The following CPLX1 variants were observed in gnomAD, a reference collection of about 807,000 sequenced individuals.
CPLX1 encodes complexin-1.
In CPLX1, 6 loss-of-function variants were observed where a neutral mutation model predicts 15.6. The observed-to-expected ratio is 0.39, with a 90% CI of 0.21 to 0.76. CPLX1 has a LOEUF of 0.76. Among genes scored for constraint, CPLX1 ranks in the 30% least tolerant of loss-of-function variants. CPLX1 has a pLI of 0.43. For missense variants in CPLX1, 242 were observed against 188.6 expected, an observed-to-expected ratio of 1.28 and a Z score of -1.66; for synonymous variants, 91 against 75.2, an observed-to-expected ratio of 1.21 and a Z score of -1.08.
intron 2 of CPLX1, among the ~76,000 whole-genome samples, chr4:812,616 AG>A (rs1251123599): frequency 6.6e-6 from 1 of 152,178 alleles, no homozygotes; most frequent in African/African-American, 2.4e-5. Flanking sequence ...AAAATAAGAG[AG>A]GAAAGGACCA....
At chr4:792,382 C>T in intron 3 of CPLX1, 51 bp downstream of exon 3, 1 of 1,460,992 alleles carries the variant, frequency 6.8e-7, no homozygotes. Flanking sequence ...ATCTGGGTCC[C>T]CGCTGGACTC....
rs377210149 is a variant in CPLX1 at position 786,501 on chromosome 4, C to T, written c.405G>A (p.Ter135=). 54 of 1,573,926 alleles carry T rather than the reference C, an allele frequency of 3.4e-5. No individual in the cohort carries two copies. Among genetic ancestry groups the T allele is most frequent in the Non-Finnish European group, 4.7e-5 (54 of 1,158,460 alleles). The change falls in exon 4 of 4, where the codon TAG becomes TAA. Residue 135 remains the stop codon, a stop_retained_variant. Coordinates refer to ENST00000304062, the MANE Select transcript of CPLX1 (RefSeq NM_006651.4). ...CGCGGGGCCGCTGTCCCGCGCGCGG[C>T]TACTTCTTGAGCATGTCCTGCAGCG... ...PGPLQDMLKK[*] is the part of the protein sequence containing the mutation.
intron 2 of CPLX1, among the ~76,000 whole-genome samples, chr4:799,139 C>G (rs1746403146): frequency 6.6e-6 from 1 of 152,220 alleles, no homozygotes; most frequent in Non-Finnish European, 1.5e-5. Context: ...GGGCAGGACT[C>G]AAATCTTCCC....
In CPLX1 at chr4:810,501, G is replaced by A. The variant is rs761453203; in HGVS notation, c.31+13991C>T. Among the ~76,000 whole-genome samples the A allele has an allele frequency of 9.8e-4, 149 of 152,178 alleles. 3 individuals are homozygous for A. Among genetic ancestry groups the A allele is most frequent in the South Asian group, 4.1e-4 (2 of 4,830 alleles). ...AGCTCCCACTGGAGAGCATGAGGGC[G>A]TGGGTTTCTCCACATGCGTGAGTGG... On this transcript the variant is annotated intron_variant, in intron 2 of 3. Transcript: ENST00000304062.
At chr4:797,143 A>G (rs1746358463) in intron 2 of CPLX1, among the ~76,000 whole-genome samples, 1 of 152,236 alleles carries the variant, frequency 6.6e-6, no homozygotes, top group South Asian at 2.1e-4. Flanking sequence ...ATGTAGGCAA[A>G]GAAAAACACA....
intron 3 of CPLX1, among the ~76,000 whole-genome samples, chr4:790,520 C>T (rs1746138359): frequency 6.6e-6 from 1 of 152,152 alleles, no homozygotes; most frequent in East Asian, 1.9e-4. Context: ...CTGCCCGGGC[C>T]ACTCGGTCCC....
intron 2 of CPLX1, among the ~76,000 whole-genome samples, chr4:819,367 A>G (rs1320894081): frequency 1.3e-5 from 2 of 152,250 alleles, no homozygotes; most frequent in Non-Finnish European, 2.9e-5. Context: ...GAGGAAAGGC[A>G]GTTTCTCTGA....
intron 2 of CPLX1, among the ~76,000 whole-genome samples, chr4:793,772 C>T (rs1040547310): frequency 6.6e-6 from 1 of 152,246 alleles, no homozygotes; most frequent in African/African-American, 2.4e-5. Context: ...AGTGGTGAGG[C>T]ACTGGCTCTG....
At chr4:786,920 G>A (rs1037245346) in intron 3 of CPLX1, 1 of 978,752 alleles carries the variant, frequency 1.0e-6, no homozygotes. Flanking sequence ...GCTGACATGG[G>A]GGGGAGCAGG....
chr4:792,688 C>T (rs1369869987), intron 2 of CPLX1, 80 bp from the exon 3 acceptor site: 11 of 1,472,168 alleles, frequency 7.5e-6, no homozygotes, highest in East Asian at 2.4e-5. Context: ...ACTCCCCCAC[C>T]TTCTGGCCGA....
chr4:800,736 T>C (rs200810153), intron 2 of CPLX1, among the ~76,000 whole-genome samples: 1 of 5,858 alleles, frequency 1.7e-4, no homozygotes. Context: ...AAAAAAAAAA[T>C]ATATATATAT....
intron 2 of CPLX1, among the ~76,000 whole-genome samples, chr4:806,986 A>G (rs923508217): frequency 3.3e-5 from 5 of 152,254 alleles, no homozygotes; most frequent in Non-Finnish European, 5.9e-5. Flanking sequence ...TATATACCCA[A>G]AGGAATATAA....
At chr4:803,505 C>T (rs1026976557) in intron 2 of CPLX1, among the ~76,000 whole-genome samples, 3 of 152,176 alleles carry the variant, frequency 2.0e-5, no homozygotes, top group African/African-American at 7.2e-5. Flanking sequence ...ATTCTCCCGC[C>T]TCAGCCTCTG....
In CPLX1 at chr4:824,492, C is replaced by T; in HGVS notation, c.31G>A (p.Gly11Arg). The T allele has an allele frequency of 1.2e-6, 2 of 1,612,838 alleles. No homozygotes were observed. Among genetic ancestry groups the T allele is most frequent in the Non-Finnish European group, 1.7e-6 (2 of 1,179,706 alleles). The stretch of plus-strand genomic sequence containing the variant: ...CCCCACCCCACCTCCCGCTTCCTAC[C>T]TCCTAGAGCCTGCTTCATCACAAAC... The part of the protein sequence containing the change: MEFVMKQALG[G>R]ATKDMGKMLG... The change falls in exon 2 of 4, where the codon GGG (glycine) becomes AGG (arginine). Residue 11 changes from glycine to arginine, a missense_variant and splice_region_variant. Transcript: ENST00000304062.
chr4:788,283 C>G (rs1746062119), intron 3 of CPLX1: 14 of 985,324 alleles, frequency 1.4e-5, no homozygotes, highest in East Asian at 1.1e-4. Context: ...TCCCCAACCC[C>G]ACCGAGGGCA....
At chr4:800,151 G>C (rs150376945) in intron 2 of CPLX1, among the ~76,000 whole-genome samples, 1 of 152,150 alleles carries the variant, frequency 6.6e-6, no homozygotes, top group South Asian at 2.1e-4. Context: ...CGGACTGACT[G>C]CTTGCTTGGT....
At chr4:812,359 G>C (rs996364009) in intron 2 of CPLX1, among the ~76,000 whole-genome samples, 2 of 152,294 alleles carry the variant, frequency 1.3e-5, no homozygotes, top group South Asian at 4.1e-4. Context: ...TTACAGGCAG[G>C]AGCCACCGCA....
intron 2 of CPLX1, among the ~76,000 whole-genome samples, chr4:801,276 C>T (rs565014412): frequency 1.6e-4 from 24 of 151,912 alleles, no homozygotes; most frequent in African/African-American, 3.6e-4. Context: ...GAGCCGAGAT[C>T]GGGCCACTGC....
At chr4:804,171 C>T (rs1746512162) in intron 2 of CPLX1, among the ~76,000 whole-genome samples, 1 of 152,320 alleles carries the variant, frequency 6.6e-6, no homozygotes, top group South Asian at 2.1e-4. Context: ...AACGTATTCC[C>T]GTCAACACAG....
Sources: gnomAD v4.1 joint callset for allele counts (sites outside exome capture counted in the v4.1 genomes callset) on GRCh38, gnomAD v4.1.1 for gene constraint, MANE v1.5 for transcripts, NCBI Gene and HGNC (gene_info 2026-07-23, HGNC 2026-07-21) for gene names.